ZKSCAN8: variants seen among roughly 807,000 people sequenced by gnomAD.
ZKSCAN8 encodes zinc finger protein with KRAB and SCAN domains 8.
Under a neutral mutation model 57.2 loss-of-function variants are expected in ZKSCAN8, and 27 were observed. That is an observed-to-expected ratio of 0.47 (90% CI 0.35 to 0.65). The LOEUF is 0.65. Ranked by LOEUF, ZKSCAN8 falls within the 30% of genes least tolerant of loss-of-function variation. ZKSCAN8 has a pLI of 0.01. For synonymous variants in ZKSCAN8, 214 were observed against 248.7 expected (o/e 0.86, Z 1.31); for missense variants, 597 against 696.3 (o/e 0.86, Z 1.60).
At chr6:28,146,903 A>C (rs1765416220) in intron 1 of ZKSCAN8, among the ~76,000 whole-genome samples, 1 of 152,140 alleles carries the variant, frequency 6.6e-6, no homozygotes. Context: ...CATACCTCAA[A>C]TTCTATATAA....
rs770246159 is a variant in ZKSCAN8, at chr6:28,153,388, G to T, written c.1108G>T (p.Asp370Tyr). Reference protein sequence around the residue: ...SYRSALLSHQDIHNKVKRYHC... With the variant: ...SYRSALLSHQYIHNKVKRYHC... The stretch of plus-strand genomic sequence containing the variant: ...CAGGTCAGCCCTTCTTTCACATCAG[G>T]ATATCCACAACAAAGTAAAACGCTA... The change falls in exon 6 of 6, where the codon GAT becomes TAT. Residue 370 changes from aspartate (D) to tyrosine (Y), a missense_variant. Transcript: ENST00000330236. The T allele has an allele frequency of 2.5e-6, 4 of 1,613,030 alleles. No individual in the cohort carries two copies. The highest frequency in any genetic ancestry group is 1.7e-6 in the Non-Finnish European group (2 of 1,179,704).
In ZKSCAN8 at chr6:28,155,311, A is replaced by G. The variant is rs189099111; in HGVS notation, c.*1294A>G. On this transcript the variant is annotated 3_prime_UTR_variant, in exon 6 of 6. Coordinates refer to ENST00000330236, the MANE Select transcript of ZKSCAN8 (RefSeq NM_006298.4). ...ATATTTCATCTTTGAGGCTTTTGTTATACCAAGGAATACTATATAAAGTAA... is the reference window on the plus strand; with the variant it reads ...ATATTTCATCTTTGAGGCTTTTGTTGTACCAAGGAATACTATATAAAGTAA... The G allele has an allele frequency of 3.9e-5, 6 of 152,208 alleles. No homozygotes were observed. The highest frequency in any genetic ancestry group is 1.4e-4 in the African/African-American group (6 of 41,444). 9.4% of individuals were successfully genotyped at this position (152,208 alleles called of 1,614,324 possible). A position where few individuals can be genotyped will look rare whatever the true frequency, so the allele number is the denominator to read the frequency against.
rs1376212294 is a variant in ZKSCAN8 at position 28,158,013 on chromosome 6, T to C, written c.*3996T>C. On this transcript the variant is annotated 3_prime_UTR_variant, in exon 6 of 6. Transcript: ENST00000330236. Reference sequence around the variant, plus strand: ...ATATCTTTGATTTTTCAACCCCCCTTTTTCATTAATCTGTTCTTAAAACTT... The same window carrying C: ...ATATCTTTGATTTTTCAACCCCCCTCTTTCATTAATCTGTTCTTAAAACTT... 2 of 152,162 alleles carry C rather than the reference T, an allele frequency of 1.3e-5. No homozygotes were observed. The highest frequency in any genetic ancestry group is 2.9e-5 in the Non-Finnish European group (2 of 68,024). The allele number at this position is 152,162 out of a possible 1,614,324, so 9.4% of individuals were successfully genotyped here.
At position 28,156,163 on chromosome 6, in the gene ZKSCAN8, A is replaced by C. The variant is rs1765775385; in HGVS notation, c.*2146A>C. ...AGAGGGAAAATATATGTGTATGTACACATGTGTATGTACACACACACACAC... is the reference window on the plus strand; with the variant it reads ...AGAGGGAAAATATATGTGTATGTACCCATGTGTATGTACACACACACACAC... On this transcript the variant is annotated 3_prime_UTR_variant, in exon 6 of 6. Coordinates refer to ENST00000330236, the MANE Select transcript of ZKSCAN8 (RefSeq NM_006298.4). The C allele has an allele frequency of 7.5e-6, 3 of 398,256 alleles. No individual in the cohort carries two copies. The South Asian group carries it at 3.8e-4, about 51-fold the overall frequency. The allele number at this position is 398,256 out of a possible 1,614,324, so 24.7% of individuals were successfully genotyped here.
Position 28,154,273 on chromosome 6 carries a change from C to G in ZKSCAN8, c.*256C>G. The G allele has an allele frequency of 2.5e-6, 1 of 393,966 alleles. No individual in the cohort carries two copies. Among genetic ancestry groups the G allele is most frequent in the Non-Finnish European group, 4.4e-6 (1 of 225,656 alleles). The allele number at this position is 393,966 out of a possible 1,614,324, so 24.4% of individuals were successfully genotyped here. A position where few individuals can be genotyped will look rare whatever the true frequency, so the allele number is the denominator to read the frequency against. ...TGTATCCTTTAGAAATTTAAAATAG[C>G]ATTAGAGCAAGTTGCTTGTCATGGC... On this transcript the variant is annotated 3_prime_UTR_variant, in exon 6 of 6. Transcript: ENST00000330236.
chr6:28,155,689 A>G lies in ZKSCAN8; in HGVS notation c.*1672A>G, dbSNP rs534044640. ...GTGACTATCCTGAAAAGAAATAATA[A>G]TCATTTTATGATTGATGGGCCAAAA... is the stretch of plus-strand genomic sequence containing the variant. On this transcript the variant is annotated 3_prime_UTR_variant, in exon 6 of 6. Coordinates refer to ENST00000330236, the MANE Select transcript of ZKSCAN8 (RefSeq NM_006298.4). 3.9e-5 allele frequency: 6 copies of G among 153,562 alleles called. No homozygotes were observed. In the South Asian group the frequency reaches 1.2e-3, roughly 32 times the overall value. 9.5% of individuals were successfully genotyped at this position (153,562 alleles called of 1,614,324 possible).
chr6:28,144,907 A>C lies in ZKSCAN8; in HGVS notation c.-93+2878A>C, dbSNP rs1765339260. 6.6e-6 allele frequency among the ~76,000 whole-genome samples: 1 copy of C among 152,072 alleles called. No homozygotes were observed. Among genetic ancestry groups the C allele is most frequent in the African/African-American group, 2.4e-5 (1 of 41,414 alleles). On this transcript the variant is annotated intron_variant, in intron 1 of 5. Transcript: ENST00000330236. The surrounding 1 kb of genome is among the most constrained non-coding windows in gnomAD (Gnocchi z 4.5). ...CCCATCTCTACTAAAAATACAAAAA[A>C]TTAGCCGGGTGTGGTGGAGGGCGCC...
chr6:28,143,314 A>G (rs975009367), intron 1 of ZKSCAN8, among the ~76,000 whole-genome samples: 10 of 152,226 alleles, frequency 6.6e-5, no homozygotes, highest in African/African-American at 2.4e-4. Flanking sequence ...AAAATTAGCC[A>G]CTAAATAGAA....
Position 28,148,449 on chromosome 6 carries a change from A to G in ZKSCAN8, c.42A>G (p.Pro14=). Residue 14 remains proline (P), a synonymous_variant, in exon 2 of 6, where the codon CCA becomes CCG. Coordinates refer to ENST00000330236, the MANE Select transcript of ZKSCAN8 (RefSeq NM_006298.4). ...ESRKPSAPSP[P]DQTPEEDLVI... ...GAAAGCCTTCAGCCCCATCCCCACC[A>G]GACCAGACTCCTGAAGAGGATCTTG... 1.2e-6 allele frequency: 2 copies of G among 1,614,196 alleles called. No homozygotes were observed. Among genetic ancestry groups the G allele is most frequent in the Non-Finnish European group, 1.7e-6 (2 of 1,180,020 alleles).
In ZKSCAN8 at chr6:28,157,339, A is replaced by G. The variant is rs796480961; in HGVS notation, c.*3322A>G. ...ACGACACGTGGGAATTGTGGGAGCT[A>G]CAATTCAAGATGAGATTTGGATGGG... is the stretch of plus-strand genomic sequence containing the variant. On this transcript the variant is annotated 3_prime_UTR_variant, in exon 6 of 6. Transcript: ENST00000330236. 2.3e-4 allele frequency: 35 copies of G among 152,334 alleles called. No homozygotes were observed. Among genetic ancestry groups the G allele is most frequent in the African/African-American group, 7.5e-4 (31 of 41,576 alleles). 9.4% of individuals were successfully genotyped at this position (152,334 alleles called of 1,614,324 possible).
intron 3 of ZKSCAN8, among the ~76,000 whole-genome samples, chr6:28,151,222 G>T (rs896231839): frequency 6.6e-6 from 1 of 151,934 alleles, no homozygotes; most frequent in Non-Finnish European, 1.5e-5. Context: ...TTACTTTATT[G>T]CAGAATGAGG....
rs1150666 is a variant in ZKSCAN8 at position 28,156,150 on chromosome 6, T to C, written c.*2133T>C. 0.28 allele frequency: 113,109 copies of C among 398,158 alleles called. 16,806 individuals are homozygous for C. Among genetic ancestry groups the C allele is most frequent in the African/African-American group, 0.38 (18,455 of 48,632 alleles). 24.7% of individuals were successfully genotyped at this position (398,158 alleles called of 1,614,324 possible). A position where few individuals can be genotyped will look rare whatever the true frequency, so the allele number is the denominator to read the frequency against. ...TGGGTGCATTGTCAGAGGGAAAATA[T>C]ATGTGTATGTACACATGTGTATGTA... On this transcript the variant is annotated 3_prime_UTR_variant, in exon 6 of 6. Coordinates refer to ENST00000330236, the MANE Select transcript of ZKSCAN8 (RefSeq NM_006298.4).
chr6:28,148,823 C>T lies in ZKSCAN8; in HGVS notation c.416C>T (p.Pro139Leu). ...AGGCAGATTGATATACTAGGACGAC[C>T]AGTAAGTAGAAGGAGGTATGCGTGC... The part of the protein sequence containing the change: ...LERQIDILGR[P>L]VSARVHGHRV... Residue 139 changes from proline (P) to leucine (L), a missense_variant and splice_region_variant, in exon 2 of 6, where the codon CCA (proline) becomes CTA (leucine). Coordinates refer to ENST00000330236, the MANE Select transcript of ZKSCAN8 (RefSeq NM_006298.4). 2 of 1,610,656 alleles carry T rather than the reference C, an allele frequency of 1.2e-6. No homozygotes were observed. Among genetic ancestry groups the T allele is most frequent in the South Asian group, 1.1e-5 (1 of 90,750 alleles).
Position 28,148,820 on chromosome 6 carries a change from G to A in ZKSCAN8, c.413G>A (p.Arg138Gln), listed in dbSNP as rs897169520. The stretch of plus-strand genomic sequence containing the variant: ...GAAAGGCAGATTGATATACTAGGAC[G>A]ACCAGTAAGTAGAAGGAGGTATGCG... ...DLERQIDILG[R>Q]PVSARVHGHR... The change falls in exon 2 of 6, where the codon CGA (arginine) becomes CAA (glutamine). Residue 138 changes from arginine (R) to glutamine (Q), a missense_variant. By Grantham distance (43) the Arg-to-Gln change is conservative. Transcript: ENST00000330236. The A allele has an allele frequency of 2.5e-6, 4 of 1,611,310 alleles. No homozygotes were observed. The South Asian group carries it at 3.3e-5, about 13-fold the overall frequency.
At chr6:28,150,442 G>T (rs1469446484) in intron 3 of ZKSCAN8, among the ~76,000 whole-genome samples, 2 of 152,102 alleles carry the variant, frequency 1.3e-5, no homozygotes, top group African/African-American at 4.8e-5. Flanking sequence ...CCTATTATTG[G>T]TGGTGTTATC....
At chr6:28,150,956 G>GCCAC (rs1561820765) in intron 3 of ZKSCAN8, among the ~76,000 whole-genome samples, 1 of 151,974 alleles carries the variant, frequency 6.6e-6, no homozygotes. Flanking sequence ...ACAGGTGCAC[G>GCCAC]CCACCATGCC....
At chr6:28,146,836 C>G (rs1765414319) in intron 1 of ZKSCAN8, among the ~76,000 whole-genome samples, 1 of 152,014 alleles carries the variant, frequency 6.6e-6, no homozygotes, top group Non-Finnish European at 1.5e-5. Context: ...TGATATTTGA[C>G]AAATATACAA....
intron 1 of ZKSCAN8, among the ~76,000 whole-genome samples, chr6:28,142,682 G>A (rs1372196649): frequency 6.6e-6 from 1 of 152,104 alleles, no homozygotes; most frequent in Non-Finnish European, 1.5e-5. Flanking sequence ...TTTTTGTCAG[G>A]CTACTTTGAC....
chr6:28,148,945 A>T (rs1765497046), intron 2 of ZKSCAN8, 121 bp downstream of exon 2: 4 of 1,184,462 alleles, frequency 3.4e-6, no homozygotes, highest in Non-Finnish European at 4.7e-6. Flanking sequence ...TAAGGATGAC[A>T]ATAGTTTTAG....
Sources: gnomAD v4.1 joint callset for allele counts (sites outside exome capture counted in the v4.1 genomes callset) on GRCh38, gnomAD v4.1.1 for gene constraint, Gnocchi (gnomAD v3.1) non-coding constraint, MANE v1.5 for transcripts, NCBI Gene and HGNC (gene_info 2026-07-23, HGNC 2026-07-21) for gene names.